GARS1: variants seen among roughly 807,000 people sequenced by gnomAD.
GARS1 encodes the protein glycyl-tRNA synthetase 1, also known as glycine--tRNA ligase.
GARS1 carries 46 observed loss-of-function variants against 86.4 expected under a neutral mutation model. That is an observed-to-expected ratio of 0.53 (90% CI 0.42 to 0.68). The LOEUF (loss-of-function observed/expected upper bound fraction) is 0.68, where lower values mean the gene tolerates loss of function less well. Among genes scored for constraint, GARS1 ranks in the 30% least tolerant of loss-of-function variants. The pLI is 0.00. For synonymous variants in GARS1, 342 were observed against 329.8 expected (o/e 1.04, Z -0.40); for missense variants, 797 against 915.6 (o/e 0.87, Z 1.67).
intron 14 of GARS1, 109 bp from the exon 15 acceptor site, chr7:30,631,339 C>T (rs908765861): frequency 3.4e-5 from 28 of 812,336 alleles, no homozygotes; most frequent in Non-Finnish European, 5.4e-5. Context: ...TTGGTAATGA[C>T]GTTATGCTTG....
At chr7:30,604,315 C>T (rs934634533) in intron 6 of GARS1, among the ~76,000 whole-genome samples, 1 of 152,164 alleles carries the variant, frequency 6.6e-6, no homozygotes, top group African/African-American at 2.4e-5. Flanking sequence ...GTACATTTCT[C>T]CAACACCATG....
chr7:30,611,947 A>T (rs555116767), intron 7 of GARS1, 149 bp from the exon 8 acceptor site: 1 of 745,478 alleles, frequency 1.3e-6, no homozygotes, highest in African/African-American at 1.8e-5. Flanking sequence ...TACCGAGGAA[A>T]ATATTTCTAA....
chr7:30,601,048 A>G lies in GARS1; in HGVS notation c.428-11A>G. Reference sequence around the variant, plus strand: ...AAGGTAAAGTATGTGTTTTCCTCTCATATTCTATAGGTGTTAGTGGTCTGT... The same window carrying G: ...AAGGTAAAGTATGTGTTTTCCTCTCGTATTCTATAGGTGTTAGTGGTCTGT... On this transcript the variant is annotated splice_polypyrimidine_tract_variant and intron_variant, in intron 3 of 16. Transcript: ENST00000389266. The G allele has an allele frequency of 6.2e-7, 1 of 1,613,566 alleles. No homozygotes were observed. The highest frequency in any genetic ancestry group is 8.5e-7 in the Non-Finnish European group (1 of 1,179,574).
rs562754508 is a variant in GARS1 at position 30,622,449 on chromosome 7, C to A, written c.1600C>A (p.Leu534Met). The change falls in exon 12 of 17, where the codon CTG becomes ATG. Residue 534 changes from leucine (L) to methionine (M), a missense_variant. Leu to Met is a conservative substitution (Grantham distance 15). This residue lies in a region of GARS1 where 598 missense variants were observed against 738.7 expected (regional missense o/e 0.81). Coordinates refer to ENST00000389266, the MANE Select transcript of GARS1 (RefSeq NM_002047.4). Reference protein sequence around the residue: ...ECYITEMEMLLNEKGEFTIET... With the variant: ...ECYITEMEMLMNEKGEFTIET... Reference sequence around the variant, plus strand: ...CTACATTACAGAAATGGAGATGCTGCTGAATGAGAAAGGGTAAGATATCAG... The same window carrying A: ...CTACATTACAGAAATGGAGATGCTGATGAATGAGAAAGGGTAAGATATCAG... 6.2e-7 allele frequency: 1 copy of A among 1,614,080 alleles called. No individual in the cohort carries two copies. Among genetic ancestry groups the A allele is most frequent in the African/African-American group, 1.3e-5 (1 of 75,010 alleles).
chr7:30,598,701 A>T, intron 1 of GARS1, 95 bp from the exon 2 acceptor site: 2 of 1,032,684 alleles, frequency 1.9e-6, no homozygotes, highest in Non-Finnish European at 1.5e-6. Flanking sequence ...CATCATTCTT[A>T]CATAGACTTT....
In GARS1 at chr7:30,633,788, G is replaced by C; in HGVS notation, c.2148G>C (p.Trp716Cys). The C allele has an allele frequency of 6.2e-7, 1 of 1,613,976 alleles. No individual in the cohort carries two copies. Among genetic ancestry groups the C allele is most frequent in the Non-Finnish European group, 8.5e-7 (1 of 1,179,886 alleles). The change falls in exon 17 of 17, where the codon TGG becomes TGC. Residue 716 changes from tryptophan (W) to cysteine (C), a missense_variant. This residue lies in a region of GARS1 where 598 missense variants were observed against 738.7 expected (regional missense o/e 0.81). Coordinates refer to ENST00000389266, the MANE Select transcript of GARS1 (RefSeq NM_002047.4). ...ACCTAGCCAATGGCAACATCACATG[G>C]GCTGATGTGGAGGCCAGGTATCCTC... ...VQDLANGNIT[W>C]ADVEARYPLF...
chr7:30,597,843 T>A (rs1026562436), intron 1 of GARS1, among the ~76,000 whole-genome samples: 4 of 152,222 alleles, frequency 2.6e-5, no homozygotes, highest in African/African-American at 4.8e-5. Context: ...CCAAGGGCTA[T>A]ATCAATTTAA....
chr7:30,595,014 G>A lies in GARS1; in HGVS notation c.93G>A (p.Leu31=), dbSNP rs2529438. The A allele has an allele frequency of 1.3e-6, 2 of 1,580,308 alleles. No individual in the cohort carries two copies. Among genetic ancestry groups the A allele is most frequent in the Non-Finnish European group, 1.7e-6 (2 of 1,170,966 alleles). The stretch of plus-strand genomic sequence containing the variant: ...GGCTCTTAGCCCGACCCTCGCTCCT[G>A]CTCCGCCGGTCCCTCAGCGCGGCCT... ...PPRLLARPSL[L]LRRSLSAASC... is the part of the protein sequence containing the mutation. Residue 31 remains leucine, a synonymous_variant, in exon 1 of 17, where the codon CTG becomes CTA. Transcript: ENST00000389266.
chr7:30,608,842 T>TA (rs1223393978), intron 6 of GARS1, among the ~76,000 whole-genome samples: 2 of 152,194 alleles, frequency 1.3e-5, no homozygotes, highest in African/African-American at 4.8e-5. Flanking sequence ...AGTTGGGAGA[T>TA]ACGCCAAGGT....
Position 30,595,148 on chromosome 7 carries a change from C to G in GARS1, c.222+5C>G. ...AGGCTAGCAGTGCGCCAGCAGGTAC[C>G]GGTGTTTTGCGCTCTCCGCTAAGCC... is the stretch of plus-strand genomic sequence containing the variant. On this transcript the variant is annotated splice_donor_5th_base_variant and intron_variant, in intron 1 of 16. Coordinates refer to ENST00000389266, the MANE Select transcript of GARS1 (RefSeq NM_002047.4). 1 of 1,536,106 alleles carries G rather than the reference C, an allele frequency of 6.5e-7. No homozygotes were observed. Among genetic ancestry groups the G allele is most frequent in the Non-Finnish European group, 8.7e-7 (1 of 1,146,174 alleles).
chr7:30,628,672 A>G lies in GARS1; in HGVS notation c.1809+3A>G, dbSNP rs1783177843. ...GAGAAGGAGATGAACAGAGAACAGTAAGTTGTTGTGTACAGTGTGCTGTTA... is the reference window on the plus strand; with the variant it reads ...GAGAAGGAGATGAACAGAGAACAGTGAGTTGTTGTGTACAGTGTGCTGTTA... On this transcript the variant is annotated splice_donor_region_variant and intron_variant, in intron 14 of 16. Transcript: ENST00000389266. 2 of 1,587,732 alleles carry G rather than the reference A, an allele frequency of 1.3e-6. No individual in the cohort carries two copies. The highest frequency in any genetic ancestry group is 1.3e-5 in the African/African-American group (1 of 74,370).
Position 30,617,254 on chromosome 7 carries a change from G to A in GARS1, c.1335G>A (p.Trp445Ter). Residue 445 changes from tryptophan (W) to a stop codon, truncating the protein, a stop_gained, in exon 10 of 17, where the codon TGG becomes TGA. Transcript: ENST00000389266. LOFTEE classifies it high-confidence loss of function. ...NEMAHYACDCWDAESKTSYGW... is the reference protein window; with the variant it reads ...NEMAHYACDC ...TGGCCCATTATGCCTGTGACTGTTG[G>A]GATGCAGAATCCAAAACATCCTACG... is the stretch of plus-strand genomic sequence containing the variant. 1 of 1,613,936 alleles carries A rather than the reference G, an allele frequency of 6.2e-7. No homozygotes were observed. Among genetic ancestry groups the A allele is most frequent in the Non-Finnish European group, 8.5e-7 (1 of 1,179,858 alleles).
chr7:30,610,559 CTAA>C (rs950510811), intron 7 of GARS1, among the ~76,000 whole-genome samples: 5 of 152,110 alleles, frequency 3.3e-5, no homozygotes, highest in African/African-American at 1.2e-4. Context: ...GTTAATTATT[CTAA>C]TGAGACATCA....
At chr7:30,621,901 C>G (rs966894070) in intron 11 of GARS1, among the ~76,000 whole-genome samples, 1 of 152,086 alleles carries the variant, frequency 6.6e-6, no homozygotes, top group Non-Finnish European at 1.5e-5. Flanking sequence ...AATAATTTAG[C>G]TCACTTGGTC....
chr7:30,603,174 A>C (rs1029768880), intron 5 of GARS1, 52 bp downstream of exon 5: 28 of 1,451,914 alleles, frequency 1.9e-5, no homozygotes, highest in Non-Finnish European at 2.5e-5. Context: ...AAAGGTTTAA[A>C]CTTTCTCTCA....
intron 7 of GARS1, 75 bp from the exon 8 acceptor site, chr7:30,612,021 T>C: frequency 7.4e-7 from 1 of 1,345,798 alleles, no homozygotes. Context: ...TTTTAGGATT[T>C]GTATCTAGAA....
chr7:30,621,408 G>T lies in GARS1; in HGVS notation c.1375G>T (p.Val459Phe). The change falls in exon 11 of 17, where the codon GTT (valine) becomes TTT (phenylalanine). Residue 459 changes from valine (V) to phenylalanine (F), a missense_variant. Transcript: ENST00000389266. Reference sequence around the variant, plus strand: ...ATCTTTTTAGGGTTGGATTGAGATTGTTGGATGTGCTGATCGTTCCTGTTA... The same window carrying T: ...ATCTTTTTAGGGTTGGATTGAGATTTTTGGATGTGCTGATCGTTCCTGTTA... ...SKTSYGWIEI[V>F]GCADRSCYDL... 1.2e-6 allele frequency: 2 copies of T among 1,614,084 alleles called. No individual in the cohort carries two copies. The highest frequency in any genetic ancestry group is 1.7e-6 in the Non-Finnish European group (2 of 1,179,946).
At chr7:30,617,018 A>C (rs1309519705) in intron 9 of GARS1, 96 bp from the exon 10 acceptor site, 81 of 1,212,498 alleles carry the variant, frequency 6.7e-5, no homozygotes, top group Non-Finnish European at 9.0e-5. Flanking sequence ...AATATTTTTC[A>C]GTAGAGTGAG....
At chr7:30,608,236 T>G (rs1214735563) in intron 6 of GARS1, among the ~76,000 whole-genome samples, 2 of 152,242 alleles carry the variant, frequency 1.3e-5, no homozygotes, top group Admixed American at 1.3e-4. Context: ...AATATAGTAA[T>G]GTTAGATATT....
Sources: allele counts gnomAD v4.1 joint callset (sites outside exome capture counted in the v4.1 genomes callset), GRCh38; gene constraint gnomAD v4.1.1; regional missense constraint gnomAD v4.1.1; transcripts MANE v1.5; gene names NCBI Gene and HGNC (gene_info 2026-07-23, HGNC 2026-07-21).